The following SCHIP1 variants were observed in gnomAD, a reference collection of about 807,000 sequenced individuals.
The protein encoded by SCHIP1 is schwannomin-interacting protein 1.
Under a neutral mutation model 29.7 loss-of-function variants are expected in SCHIP1, and 8 were observed. The observed-to-expected ratio is 0.27, with a 90% CI of 0.16 to 0.49. SCHIP1 has a LOEUF of 0.49. Among genes scored for constraint, SCHIP1 ranks in the 20% least tolerant of loss-of-function variants. The probability of loss-of-function intolerance (pLI) is 0.99; values close to 1 mark genes in which losing one functional copy is unlikely to be tolerated. For missense variants in SCHIP1, 193 were observed against 294.6 expected (o/e 0.66, Z 2.52); for synonymous variants, 76 against 94.9 (o/e 0.80, Z 1.16).
the SCHIP1 span, among the ~76,000 whole-genome samples, chr3:159,549,029 GT>G: frequency 0.01 from 1,591 of 152,240 alleles, 11 homozygotes; most frequent in Non-Finnish European, 0.017. Context: ...GAATATTAAT[GT>G]TTTTGTTTTA....
chr3:159,577,445 A>G, the SCHIP1 span, among the ~76,000 whole-genome samples: 1 of 152,220 alleles, frequency 6.6e-6, no homozygotes, highest in Non-Finnish European at 1.5e-5. Flanking sequence ...AAGTGTGAAT[A>G]TCACAAAATT....
At chr3:159,285,299 C>T in the SCHIP1 span, among the ~76,000 whole-genome samples, 66 of 151,580 alleles carry the variant, frequency 4.4e-4, no homozygotes, top group Non-Finnish European at 7.2e-4. Flanking sequence ...TTTTTGTTTC[C>T]GTGATAGATA....
the SCHIP1 span, among the ~76,000 whole-genome samples, chr3:159,626,749 CCCCTGATGCAGT>C: frequency 6.6e-6 from 1 of 152,042 alleles, no homozygotes; most frequent in Non-Finnish European, 1.5e-5. Context: ...GGTTTGTTGT[CCCCTGATGCAGT>C]CCCTGAAGAA....
At chr3:159,528,987 C>A in the SCHIP1 span, among the ~76,000 whole-genome samples, 5 of 152,168 alleles carry the variant, frequency 3.3e-5, no homozygotes, top group Non-Finnish European at 7.3e-5. Flanking sequence ...TACCTGACAG[C>A]CTCTGATGTC....
chr3:159,874,028 T>C (rs1715530388), intron 2 of SCHIP1, among the ~76,000 whole-genome samples: 1 of 152,178 alleles, frequency 6.6e-6, no homozygotes, highest in African/African-American at 2.4e-5. Context: ...GAACACAAGA[T>C]AGTCTTTATT....
At chr3:159,420,784 T>C in the SCHIP1 span, among the ~76,000 whole-genome samples, 3 of 152,186 alleles carry the variant, frequency 2.0e-5, no homozygotes, top group African/African-American at 4.8e-5. Flanking sequence ...AGCTAGTCGA[T>C]TTATTTGGTT....
chr3:159,300,474 G>A, the SCHIP1 span, among the ~76,000 whole-genome samples: 5,143 of 152,086 alleles, frequency 0.034, 309 homozygotes, highest in African/African-American at 0.12. Context: ...TAGTAAAGCC[G>A]AGTCCCTTAG....
At chr3:159,622,392 T>C in the SCHIP1 span, among the ~76,000 whole-genome samples, 1 of 151,570 alleles carries the variant, frequency 6.6e-6, no homozygotes, top group Non-Finnish European at 1.5e-5. Context: ...GCATAAAAGA[T>C]ACATGATCTG....
chr3:159,414,583 A>T, the SCHIP1 span, among the ~76,000 whole-genome samples: 54 of 152,276 alleles, frequency 3.5e-4, no homozygotes, highest in Non-Finnish European at 6.0e-4. Flanking sequence ...TATATTATCA[A>T]CAACATATAG....
the SCHIP1 span, among the ~76,000 whole-genome samples, chr3:159,617,719 CT>C: frequency 6.6e-6 from 1 of 152,142 alleles, no homozygotes; most frequent in African/African-American, 2.4e-5. Flanking sequence ...ACTACCCCCC[CT>C]AGGAAGAGGG....
chr3:159,274,593 A>G, the SCHIP1 span: 3 of 832,200 alleles, frequency 3.6e-6, no homozygotes, highest in African/African-American at 1.9e-5. Context: ...TTTTAACTCC[A>G]TCTTTTAGAC....
At chr3:159,405,880 C>CAA in the SCHIP1 span, among the ~76,000 whole-genome samples, 52 of 75,238 alleles carry the variant, frequency 6.9e-4, no homozygotes, top group East Asian at 2.4e-3. Flanking sequence ...GAGACTCTGT[C>CAA]AAAAAAAAAA....
the SCHIP1 span, among the ~76,000 whole-genome samples, chr3:159,716,683 C>T: frequency 7.9e-5 from 12 of 152,070 alleles, 1 homozygote; most frequent in African/African-American, 2.4e-4. Context: ...CAACAAGAAG[C>T]GCTAACTATC....
At chr3:159,462,305 C>T in the SCHIP1 span, among the ~76,000 whole-genome samples, 2 of 152,120 alleles carry the variant, frequency 1.3e-5, no homozygotes, top group African/African-American at 4.8e-5. Context: ...GCCTGCCAGT[C>T]CTCTCTCTGG....
At chr3:159,848,207 A>G (rs1398112131) in intron 1 of SCHIP1, among the ~76,000 whole-genome samples, 1 of 152,212 alleles carries the variant, frequency 6.6e-6, no homozygotes, top group Non-Finnish European at 1.5e-5. Flanking sequence ...TGAAATTCAG[A>G]GCAGGGAGTG....
At chr3:159,687,890 G>A in the SCHIP1 span, among the ~76,000 whole-genome samples, 5 of 152,230 alleles carry the variant, frequency 3.3e-5, no homozygotes, top group South Asian at 1.0e-3. Context: ...TGAGAATGAC[G>A]GTTTCCAGCT....
chr3:159,395,582 G>C, the SCHIP1 span, among the ~76,000 whole-genome samples: 1 of 152,062 alleles, frequency 6.6e-6, no homozygotes, highest in Non-Finnish European at 1.5e-5. Flanking sequence ...TATGTACCCA[G>C]TAGTCATTCA....
the SCHIP1 span, among the ~76,000 whole-genome samples, chr3:159,665,718 G>A: frequency 2.0e-5 from 3 of 152,158 alleles, no homozygotes; most frequent in East Asian, 3.9e-4. Flanking sequence ...GGTCCTGGAG[G>A]AATAAGCAGT....
chr3:159,359,774 TTTAAGCCAA>T, the SCHIP1 span, among the ~76,000 whole-genome samples: 2 of 152,208 alleles, frequency 1.3e-5, no homozygotes, highest in Non-Finnish European at 2.9e-5. Flanking sequence ...AAGCTCATGC[TTTAAGCCAA>T]TAATCAAAGG....
Sources: allele counts gnomAD v4.1 joint callset (sites outside exome capture counted in the v4.1 genomes callset), GRCh38; gene constraint gnomAD v4.1.1; transcripts MANE v1.5; gene names NCBI Gene and HGNC (gene_info 2026-07-23, HGNC 2026-07-21).